Variants in ACER3 observed in about 807,000 individuals in gnomAD.
ACER3 encodes the protein alkaline ceramidase 3, also known as alkCDase 3.
In ACER3, 16 loss-of-function variants were observed where a neutral mutation model predicts 48.9. That is an observed-to-expected ratio of 0.33 (90% confidence interval 0.22 to 0.50). The LOEUF (loss-of-function observed/expected upper bound fraction) is 0.50, where lower values mean the gene tolerates loss of function less well. Ranked by LOEUF, ACER3 falls within the 20% of genes least tolerant of loss-of-function variation. The pLI is 0.98. For synonymous variants in ACER3, 109 were observed against 107.8 expected, an observed-to-expected ratio of 1.01 and a Z score of -0.07; for missense variants, 227 against 326.0, an observed-to-expected ratio of 0.70 and a Z score of 2.34.
At chr11:76,946,701 C>G (rs537655147) in intron 2 of ACER3, among the ~76,000 whole-genome samples, 51 of 152,210 alleles carry the variant, frequency 3.4e-4, no homozygotes, top group Non-Finnish European at 7.1e-4. Context: ...CCCCTCCCCT[C>G]CTTGGAGCAG....
chr11:77,006,188 C>T (rs1949145393), intron 7 of ACER3, among the ~76,000 whole-genome samples: 1 of 150,988 alleles, frequency 6.6e-6, no homozygotes, highest in South Asian at 2.1e-4. Flanking sequence ...AAGATTTCAC[C>T]ATGTTGGCCA....
chr11:76,970,441 C>A (rs1948267794), intron 3 of ACER3, among the ~76,000 whole-genome samples: 1 of 152,158 alleles, frequency 6.6e-6, no homozygotes, highest in Admixed American at 6.5e-5. Flanking sequence ...TCTGGCCTAT[C>A]ATCTTCAGAA....
chr11:76,873,036 C>T (rs1009968255), intron 1 of ACER3, among the ~76,000 whole-genome samples: 4 of 151,264 alleles, frequency 2.6e-5, no homozygotes, highest in Admixed American at 6.6e-5. Context: ...CTCAGACTCC[C>T]GAATAGCTAG....
rs1949501942 is a variant in ACER3 at position 77,023,447 on chromosome 11, G to A, written c.*3120G>A. On this transcript the variant is annotated 3_prime_UTR_variant, in exon 11 of 11. Coordinates refer to ENST00000532485, the MANE Select transcript of ACER3 (RefSeq NM_018367.7). ...ACCAGCCAATTCTGAATTAGCCAAT[G>A]CCCTAAAAGCATCTAACAATTTAAG... The A allele has an allele frequency of 9.0e-6, 3 of 333,004 alleles. No homozygotes were observed. Among genetic ancestry groups the A allele is most frequent in the Non-Finnish European group, 1.6e-5 (3 of 184,202 alleles). The allele number at this position is 333,004 out of a possible 1,614,324, so 20.6% of individuals were successfully genotyped here.
chr11:76,876,910 T>C (rs575846832), intron 1 of ACER3, among the ~76,000 whole-genome samples: 1 of 152,346 alleles, frequency 6.6e-6, no homozygotes, highest in East Asian at 1.9e-4. Context: ...TAAATTTGTT[T>C]TAAAATCATG....
At chr11:76,929,659 T>C (rs1027479343) in intron 2 of ACER3, among the ~76,000 whole-genome samples, 1 of 152,234 alleles carries the variant, frequency 6.6e-6, no homozygotes, top group Non-Finnish European at 1.5e-5. Context: ...ACCTAATTTA[T>C]TGAGAGTTTT....
At chr11:77,015,467 A>G (rs1405295493) in intron 8 of ACER3, among the ~76,000 whole-genome samples, 1 of 152,206 alleles carries the variant, frequency 6.6e-6, no homozygotes, top group Non-Finnish European at 1.5e-5. Flanking sequence ...ATATATGTAT[A>G]TAAATATACA....
chr11:76,965,621 T>C (rs1196066070), intron 3 of ACER3, among the ~76,000 whole-genome samples: 1 of 151,096 alleles, frequency 6.6e-6, no homozygotes, highest in African/African-American at 2.5e-5. Flanking sequence ...CAGCAGAAAC[T>C]CTACAAGCCA....
intron 1 of ACER3, among the ~76,000 whole-genome samples, chr11:76,901,062 C>A (rs1946070213): frequency 6.6e-6 from 1 of 152,146 alleles, no homozygotes; most frequent in African/African-American, 2.4e-5. Flanking sequence ...ATTTTCCAGA[C>A]TTTCATGATG....
intron 1 of ACER3, among the ~76,000 whole-genome samples, chr11:76,905,912 A>T (rs1294131633): frequency 6.6e-6 from 1 of 152,240 alleles, no homozygotes; most frequent in Non-Finnish European, 1.5e-5. Flanking sequence ...AATTATAGTG[A>T]TACACACCAA....
At chr11:76,868,457 A>G (rs1945160462) in intron 1 of ACER3, among the ~76,000 whole-genome samples, 1 of 144,780 alleles carries the variant, frequency 6.9e-6, no homozygotes, top group Non-Finnish European at 1.5e-5. Flanking sequence ...CTGGCTCATA[A>G]CTCTCATATC....
At chr11:76,911,505 C>A (rs1036564707) in intron 1 of ACER3, among the ~76,000 whole-genome samples, 12 of 152,148 alleles carry the variant, frequency 7.9e-5, no homozygotes, top group African/African-American at 2.9e-4. Context: ...ATCCTGCTGA[C>A]CTCCTGTCTT....
At chr11:76,885,362 CA>C (rs1405928349) in intron 1 of ACER3, among the ~76,000 whole-genome samples, 1 of 151,960 alleles carries the variant, frequency 6.6e-6, no homozygotes. Flanking sequence ...GTGCATATGC[CA>C]TGCTGGTTTG....
At chr11:76,990,632 A>G in intron 6 of ACER3, 58 bp downstream of exon 6, 1 of 1,130,976 alleles carries the variant, frequency 8.8e-7, no homozygotes, top group Non-Finnish European at 1.3e-6. Context: ...CTGCTTTGTG[A>G]TTTCCTTGTC....
chr11:76,975,408 C>T (rs1035501876), intron 3 of ACER3, among the ~76,000 whole-genome samples: 1 of 151,980 alleles, frequency 6.6e-6, no homozygotes, highest in African/African-American at 2.4e-5. Flanking sequence ...CACATAATGG[C>T]TGTAATTATT....
chr11:76,930,125 T>TA (rs904792762), intron 2 of ACER3, among the ~76,000 whole-genome samples: 2 of 152,190 alleles, frequency 1.3e-5, no homozygotes, highest in African/African-American at 4.8e-5. Context: ...GGTAGGCTAT[T>TA]ATTGCGTCAA....
At chr11:76,891,312 C>T (rs1223533301) in intron 1 of ACER3, among the ~76,000 whole-genome samples, 1 of 150,646 alleles carries the variant, frequency 6.6e-6, no homozygotes, top group Non-Finnish European at 1.5e-5. Flanking sequence ...TTTCATAACC[C>T]TTATTATAGT....
chr11:76,883,243 A>G (rs994584742), intron 1 of ACER3, among the ~76,000 whole-genome samples: 3 of 152,116 alleles, frequency 2.0e-5, no homozygotes, highest in Non-Finnish European at 4.4e-5. Flanking sequence ...CTGAGGGGGA[A>G]TTAGCTATTA....
At chr11:76,913,488 A>G (rs1257631974) in intron 1 of ACER3, among the ~76,000 whole-genome samples, 2 of 152,182 alleles carry the variant, frequency 1.3e-5, no homozygotes, top group African/African-American at 4.8e-5. Context: ...CCCATTCAGT[A>G]TGATATTGGC....
Sources: allele counts gnomAD v4.1 joint callset (sites outside exome capture counted in the v4.1 genomes callset), GRCh38; gene constraint gnomAD v4.1.1; transcripts MANE v1.5; gene names NCBI Gene and HGNC (gene_info 2026-07-23, HGNC 2026-07-21).